The following ARHGEF38 variants were observed in gnomAD, a reference collection of about 807,000 sequenced individuals.
The protein encoded by ARHGEF38 is Rho guanine nucleotide exchange factor 38, also known as Rho guanine nucleotide exchange factor (GEF) 38.
In ARHGEF38, 79 loss-of-function variants were observed where a neutral mutation model predicts 79.9. The observed-to-expected ratio is 0.99, with a 90% confidence interval of 0.82 to 1.19. The LOEUF is 1.19. Ranked by LOEUF, ARHGEF38 falls within the 50% of genes most tolerant of loss-of-function variation. The probability of loss-of-function intolerance (pLI) is 0.00; values close to 1 mark genes in which losing one functional copy is unlikely to be tolerated. For synonymous variants in ARHGEF38, 366 were observed against 328.3 expected, an observed-to-expected ratio of 1.11 and a Z score of -1.24; for missense variants, 962 against 907.2, an observed-to-expected ratio of 1.06 and a Z score of -0.78.
chr4:105,611,792 T>C (rs1313249796), intron 2 of ARHGEF38, among the ~76,000 whole-genome samples: 1 of 152,114 alleles, frequency 6.6e-6, no homozygotes, highest in Non-Finnish European at 1.5e-5. Context: ...TAATAATTAG[T>C]ATGGAATTAT....
rs1272546174 is a variant in ARHGEF38, at chr4:105,667,175, C to T, written c.1736C>T (p.Ser579Phe). ...QTDIHRSKLL[S>F]TYSAEELYQA... ...GACATTCATCGCTCCAAACTTCTAT[C>T]CACATATAGTGCAGAGGAACTCTAT... Residue 579 changes from serine (S) to phenylalanine (F), a missense_variant, in exon 12 of 14, where the codon TCC (serine) becomes TTC (phenylalanine). Coordinates refer to ENST00000420470, the MANE Select transcript of ARHGEF38 (RefSeq NM_001242729.2). The T allele has an allele frequency of 2.0e-6, 3 of 1,535,960 alleles. No individual in the cohort carries two copies. The highest frequency in any genetic ancestry group is 2.6e-6 in the Non-Finnish European group (3 of 1,146,862).
intron 9 of ARHGEF38, among the ~76,000 whole-genome samples, chr4:105,658,239 C>A (rs1730416564): frequency 6.6e-6 from 1 of 152,052 alleles, no homozygotes; most frequent in African/African-American, 2.4e-5. Flanking sequence ...GAGACCGTAT[C>A]TCTACCAAAA....
At chr4:105,593,961 GGTT>G (rs1166680149) in intron 2 of ARHGEF38, among the ~76,000 whole-genome samples, 1 of 152,020 alleles carries the variant, frequency 6.6e-6, no homozygotes. Flanking sequence ...ACATTTTCTA[GGTT>G]GTTTTATTTG....
At chr4:105,577,099 A>T (rs960777678) in intron 1 of ARHGEF38, among the ~76,000 whole-genome samples, 22 of 151,006 alleles carry the variant, frequency 1.5e-4, no homozygotes, top group African/African-American at 4.9e-4. Context: ...TCTTTCTTTA[A>T]TTTTTTTTAT....
intron 1 of ARHGEF38, among the ~76,000 whole-genome samples, chr4:105,563,924 A>C (rs1390254975): frequency 6.6e-6 from 1 of 152,234 alleles, no homozygotes; most frequent in Non-Finnish European, 1.5e-5. Context: ...TACTTCACAG[A>C]AACACTAGAA....
chr4:105,647,834 C>G (rs1308349624), intron 6 of ARHGEF38, among the ~76,000 whole-genome samples: 1 of 151,518 alleles, frequency 6.6e-6, no homozygotes, highest in Non-Finnish European at 1.5e-5. Flanking sequence ...AAGAGGTGCT[C>G]TAGGATCTGA....
Position 105,667,544 on chromosome 4 carries a change from G to A in ARHGEF38, c.1989G>A (p.Glu663=). 1 of 1,536,666 alleles carries A rather than the reference G, an allele frequency of 6.5e-7. No homozygotes were observed. The highest frequency in any genetic ancestry group is 8.7e-7 in the Non-Finnish European group (1 of 1,147,050). The part of the protein sequence containing the change: ...AENRFCDDDF[E]NISLFVSSRP... ...ACAGGTTCTGTGACGATGATTTTGA[G>A]AACATCAGCCTCTTCGTGTCTTCAC... Residue 663 remains glutamate (E), a synonymous_variant, in exon 13 of 14, where the codon GAG becomes GAA. Transcript: ENST00000420470.
chr4:105,631,259 G>C (rs1729181149), intron 4 of ARHGEF38: 1 of 1,225,268 alleles, frequency 8.2e-7, no homozygotes, highest in East Asian at 3.5e-5. Flanking sequence ...TAACATGGAA[G>C]AAGATTTAGA....
intron 1 of ARHGEF38, among the ~76,000 whole-genome samples, chr4:105,572,197 A>C (rs1004042020): frequency 2.0e-4 from 30 of 152,346 alleles, no homozygotes; most frequent in African/African-American, 7.0e-4. Flanking sequence ...AATAAAAACT[A>C]TTATGAATTT....
chr4:105,561,529 A>AGAATAGAATG (rs1560684907), intron 1 of ARHGEF38: 1 of 145,692 alleles, frequency 6.9e-6, no homozygotes, highest in Admixed American at 6.8e-5. Flanking sequence ...AGAATAGAAT[A>AGAATAGAATG]GAATAGAATA....
In ARHGEF38 at chr4:105,613,491, G is replaced by C. The variant is rs546360299; in HGVS notation, c.492G>C (p.Pro164=). ...LLEEATTDVE[P]AMQVIGEVFL... Reference sequence around the variant, plus strand: ...AAGAGGCCACAACAGACGTGGAACCGGCCATGCAAGTAATTGGTATGTTTA... The same window carrying C: ...AAGAGGCCACAACAGACGTGGAACCCGCCATGCAAGTAATTGGTATGTTTA... Residue 164 remains proline, a synonymous_variant, in exon 3 of 14, where the codon CCG becomes CCC. Coordinates refer to ENST00000420470, the MANE Select transcript of ARHGEF38 (RefSeq NM_001242729.2). 1.3e-5 allele frequency: 21 copies of C among 1,612,590 alleles called. No individual in the cohort carries two copies. Among genetic ancestry groups the C allele is most frequent in the Non-Finnish European group, 1.6e-5 (19 of 1,179,026 alleles).
chr4:105,572,550 C>G (rs948418749), intron 1 of ARHGEF38, among the ~76,000 whole-genome samples: 1 of 152,148 alleles, frequency 6.6e-6, no homozygotes, highest in Non-Finnish European at 1.5e-5. Context: ...TCTCTTCCCC[C>G]CAATCCTCAG....
chr4:105,585,938 T>C (rs886639408), intron 1 of ARHGEF38, among the ~76,000 whole-genome samples: 5 of 151,808 alleles, frequency 3.3e-5, no homozygotes, highest in African/African-American at 1.2e-4. Flanking sequence ...TCCATGTTGG[T>C]CAGGCCGGTA....
Position 105,552,822 on chromosome 4 carries a change from G to A in ARHGEF38, c.57G>A (p.Leu19=). Residue 19 remains leucine (L), a synonymous_variant, in exon 1 of 14, where the codon CTG becomes CTA. Coordinates refer to ENST00000420470, the MANE Select transcript of ARHGEF38 (RefSeq NM_001242729.2). Reference sequence around the variant, plus strand: ...ACATGGTCACCAAGAAAAAGAATCTGGCCTTCTTGAGGTCTAGACTCTATA... The same window carrying A: ...ACATGGTCACCAAGAAAAAGAATCTAGCCTTCTTGAGGTCTAGACTCTATA... The part of the protein sequence containing the change: ...KENMVTKKKN[L]AFLRSRLYML... The A allele has an allele frequency of 6.2e-7, 1 of 1,613,036 alleles. No homozygotes were observed. The highest frequency in any genetic ancestry group is 1.1e-5 in the South Asian group (1 of 90,772).
intron 1 of ARHGEF38, among the ~76,000 whole-genome samples, chr4:105,582,387 T>C (rs929388066): frequency 2.6e-5 from 4 of 151,974 alleles, no homozygotes; most frequent in Admixed American, 6.6e-5. Context: ...CCTATAAATT[T>C]TCTGTAAGCA....
chr4:105,599,630 G>A (rs544436710), intron 2 of ARHGEF38, among the ~76,000 whole-genome samples: 1 of 152,086 alleles, frequency 6.6e-6, no homozygotes, highest in African/African-American at 2.4e-5. Context: ...CTAATGAAAT[G>A]CCAGCAATGT....
chr4:105,562,662 A>T (rs1725691933), intron 1 of ARHGEF38, among the ~76,000 whole-genome samples: 1 of 152,208 alleles, frequency 6.6e-6, no homozygotes, highest in African/African-American at 2.4e-5. Flanking sequence ...AGGTCCTAAG[A>T]ATGTTTTTTA....
At chr4:105,664,128 CCTG>C (rs1306453974) in intron 10 of ARHGEF38, among the ~76,000 whole-genome samples, 2 of 152,116 alleles carry the variant, frequency 1.3e-5, no homozygotes, top group African/African-American at 2.4e-5. Flanking sequence ...TCTTCAAGAT[CCTG>C]CTCTCAATTA....
chr4:105,595,217 C>G (rs1727526120), intron 2 of ARHGEF38, among the ~76,000 whole-genome samples: 1 of 152,118 alleles, frequency 6.6e-6, no homozygotes, highest in Non-Finnish European at 1.5e-5. Flanking sequence ...TTTTACCCAT[C>G]CAATGATATT....
Sources: allele counts gnomAD v4.1 joint callset (sites outside exome capture counted in the v4.1 genomes callset), GRCh38; gene constraint gnomAD v4.1.1; transcripts MANE v1.5; gene names NCBI Gene and HGNC (gene_info 2026-07-23, HGNC 2026-07-21).